Variants in NALF1 observed in about 807,000 individuals in gnomAD.
The protein encoded by NALF1 is NALCN channel auxiliary factor 1.
In NALF1, 3 loss-of-function variants were observed where a neutral mutation model predicts 48.4. The observed-to-expected ratio is 0.06, with a 90% CI of 0.03 to 0.16. NALF1 has a LOEUF of 0.16. Among genes scored for constraint, NALF1 ranks in the 10% least tolerant of loss-of-function variants. NALF1 has a pLI of 1.00. For synonymous variants in NALF1, 262 were observed against 245.7 expected, an observed-to-expected ratio of 1.07 and a Z score of -0.62; for missense variants, 526 against 571.5, an observed-to-expected ratio of 0.92 and a Z score of 0.81.
At chr13:107,806,098 A>G (rs1878779059) in intron 1 of NALF1, among the ~76,000 whole-genome samples, 1 of 152,204 alleles carries the variant, frequency 6.6e-6, no homozygotes, top group Non-Finnish European at 1.5e-5. Flanking sequence ...GGAAGCATAT[A>G]AACCTCGAAG....
intron 1 of NALF1, among the ~76,000 whole-genome samples, chr13:107,268,774 A>G (rs1395499895): frequency 6.6e-6 from 1 of 152,192 alleles, no homozygotes; most frequent in Non-Finnish European, 1.5e-5. Context: ...ATTCCAGTCA[A>G]AAGAAGCAGT....
chr13:107,741,702 G>A (rs370554940), intron 1 of NALF1, among the ~76,000 whole-genome samples: 45 of 152,304 alleles, frequency 3.0e-4, no homozygotes, highest in African/African-American at 9.9e-4. Flanking sequence ...AGGTCCAGGA[G>A]TCAGCTCCAG....
chr13:107,738,670 CTTTAT>C (rs1229800718), intron 1 of NALF1, among the ~76,000 whole-genome samples: 3 of 152,004 alleles, frequency 2.0e-5, no homozygotes, highest in Non-Finnish European at 2.9e-5. Flanking sequence ...GTAAAATTTT[CTTTAT>C]TTTATTTTTG....
intron 1 of NALF1, 34 bp from the exon 2 acceptor site, chr13:107,210,789 C>T (rs765745040): frequency 4.4e-5 from 67 of 1,510,314 alleles, no homozygotes; most frequent in East Asian, 2.9e-4. Context: ...AATATAGAGG[C>T]GTGACAACAG....
At chr13:107,861,667 C>G (rs976376864) in intron 1 of NALF1, among the ~76,000 whole-genome samples, 5 of 152,118 alleles carry the variant, frequency 3.3e-5, no homozygotes, top group Non-Finnish European at 5.9e-5. Flanking sequence ...ACCTGTAGTC[C>G]CAGCTACGAG....
At chr13:107,558,543 T>C (rs1204653750) in intron 1 of NALF1, among the ~76,000 whole-genome samples, 2 of 152,192 alleles carry the variant, frequency 1.3e-5, no homozygotes, top group Admixed American at 6.5e-5. Flanking sequence ...TTTCACAGAA[T>C]ATAACTAAAT....
At chr13:107,416,311 G>A (rs113189059) in intron 1 of NALF1, among the ~76,000 whole-genome samples, 6,552 of 151,764 alleles carry the variant, frequency 0.043, 442 homozygotes, top group African/African-American at 0.15. Flanking sequence ...CACTGCACAC[G>A]GCCTAGATGC....
chr13:107,541,709 A>G (rs1398372829), intron 1 of NALF1, among the ~76,000 whole-genome samples: 2 of 152,164 alleles, frequency 1.3e-5, no homozygotes, highest in African/African-American at 4.8e-5. Context: ...TTCTACTATA[A>G]ACATGGAACA....
At chr13:107,319,376 T>C (rs1393957795) in intron 1 of NALF1, among the ~76,000 whole-genome samples, 2 of 152,044 alleles carry the variant, frequency 1.3e-5, no homozygotes, top group Non-Finnish European at 2.9e-5. Flanking sequence ...GGAAGGTTAT[T>C]AAAATGACAA....
Position 107,323,578 on chromosome 13 carries a change from G to A in NALF1, c.916-112823C>T, listed in dbSNP as rs117438137. 3.9e-4 allele frequency among the ~76,000 whole-genome samples: 59 copies of A among 151,952 alleles called. 1 individual carries two copies. The East Asian group carries it at 0.011, about 28-fold the overall frequency. On this transcript the variant is annotated intron_variant, in intron 1 of 2. Transcript: ENST00000375915. ...CTTCCTCTGCTTAAAGTCTTCCAAT[G>A]ACTCCTAATTACTCACTTACCCCCA... is the stretch of plus-strand genomic sequence containing the variant.
intron 1 of NALF1, among the ~76,000 whole-genome samples, chr13:107,352,965 T>C (rs965205837): frequency 1.3e-5 from 2 of 152,044 alleles, no homozygotes; most frequent in African/African-American, 4.8e-5. Flanking sequence ...GCTTAGGTAT[T>C]TTTTATATAT....
intron 1 of NALF1, among the ~76,000 whole-genome samples, chr13:107,291,272 T>A (rs1267584271): frequency 6.6e-6 from 1 of 152,094 alleles, no homozygotes; most frequent in East Asian, 1.9e-4. Context: ...GTTTCCTGGT[T>A]CATGTGTTTA....
intron 1 of NALF1, among the ~76,000 whole-genome samples, chr13:107,720,658 TAAATA>T (rs577280129): frequency 3.4e-4 from 51 of 151,808 alleles, no homozygotes; most frequent in Non-Finnish European, 5.7e-4. Flanking sequence ...CCAAATCAAA[TAAATA>T]AAATAAAAGG....
intron 1 of NALF1, among the ~76,000 whole-genome samples, chr13:107,213,276 A>T (rs1417953047): frequency 6.7e-6 from 1 of 150,178 alleles, no homozygotes; most frequent in Non-Finnish European, 1.5e-5. Flanking sequence ...CTAGTAAGAG[A>T]TCACAGCATT....
chr13:107,818,800 A>G (rs201460294), intron 1 of NALF1, among the ~76,000 whole-genome samples: 3 of 125,030 alleles, frequency 2.4e-5, no homozygotes, highest in Non-Finnish European at 3.1e-5. Flanking sequence ...TGAACCCGGG[A>G]GGCGGAGCTT....
At chr13:107,821,379 T>A (rs1456056381) in intron 1 of NALF1, among the ~76,000 whole-genome samples, 2 of 152,176 alleles carry the variant, frequency 1.3e-5, no homozygotes, top group Non-Finnish European at 2.9e-5. Context: ...GTCATGCTAC[T>A]GTAATGTCAT....
intron 1 of NALF1, among the ~76,000 whole-genome samples, chr13:107,692,850 C>G (rs974986087): frequency 1.3e-5 from 2 of 152,094 alleles, no homozygotes; most frequent in African/African-American, 4.8e-5. Context: ...ACTAGAAGAG[C>G]AGGAGCAGTT....
chr13:107,484,641 A>G (rs898237200), intron 1 of NALF1, among the ~76,000 whole-genome samples: 5 of 152,190 alleles, frequency 3.3e-5, no homozygotes, highest in African/African-American at 9.7e-5. Flanking sequence ...ATTCCTTGGT[A>G]GCTCTGAGTG....
At chr13:107,303,230 T>A (rs890633908) in intron 1 of NALF1, among the ~76,000 whole-genome samples, 1 of 152,188 alleles carries the variant, frequency 6.6e-6, no homozygotes, top group Non-Finnish European at 1.5e-5. Flanking sequence ...CCATCTTTGG[T>A]ATCTTTTTGT....
Sources: gnomAD v4.1 joint callset for allele counts (sites outside exome capture counted in the v4.1 genomes callset) on GRCh38, gnomAD v4.1.1 for gene constraint, MANE v1.5 for transcripts, NCBI Gene and HGNC (gene_info 2026-07-23, HGNC 2026-07-21) for gene names.